Variants in IARS2 observed in about 807,000 individuals in gnomAD.
The protein encoded by IARS2 is isoleucyl-tRNA synthetase 2, mitochondrial, also known as isoleucine--tRNA ligase, mitochondrial.
IARS2 carries 56 observed loss-of-function variants against 126.3 expected under a neutral mutation model. That is an observed-to-expected ratio of 0.44 (90% CI 0.36 to 0.55). IARS2 has a LOEUF of 0.55. Among genes scored for constraint, IARS2 ranks in the 20% least tolerant of loss-of-function variants. The probability of loss-of-function intolerance (pLI) is 0.00; values close to 1 mark genes in which losing one functional copy is unlikely to be tolerated. For missense variants in IARS2, 1,127 were observed against 1,245.9 expected, an observed-to-expected ratio of 0.90 and a Z score of 1.44; for synonymous variants, 407 against 441.1, an observed-to-expected ratio of 0.92 and a Z score of 0.97.
intron 12 of IARS2, among the ~76,000 whole-genome samples, chr1:220,119,144 T>C (rs935133764): frequency 6.6e-6 from 1 of 151,654 alleles, no homozygotes; most frequent in East Asian, 2.0e-4. Flanking sequence ...ACACGCTAAA[T>C]AAGCCTCATT....
intron 2 of IARS2, among the ~76,000 whole-genome samples, chr1:220,098,606 A>C (rs1656501462): frequency 6.6e-6 from 1 of 152,210 alleles, no homozygotes; most frequent in South Asian, 2.1e-4. Flanking sequence ...AATTCTTGAC[A>C]TACAGTAGGC....
rs1656668637 is a variant in IARS2, at chr1:220,105,873, G to A, written c.1067-18G>A. ...GCCATATAAAATGATTCTTAATAGTGGTTTTCTTTCCCCACAGGTGTAGAT... is the reference window on the plus strand; with the variant it reads ...GCCATATAAAATGATTCTTAATAGTAGTTTTCTTTCCCCACAGGTGTAGAT... On this transcript the variant is annotated intron_variant, in intron 8 of 22. Transcript: ENST00000366922. 4 of 1,608,528 alleles carry A rather than the reference G, an allele frequency of 2.5e-6. No individual in the cohort carries two copies. Among genetic ancestry groups the A allele is most frequent in the Non-Finnish European group, 3.4e-6 (4 of 1,175,038 alleles).
chr1:220,132,531 T>C (rs1198500856), intron 14 of IARS2, among the ~76,000 whole-genome samples: 1 of 149,682 alleles, frequency 6.7e-6, no homozygotes. Context: ...CTCTCTTTTT[T>C]TTTTTTTTTT....
chr1:220,098,234 T>C (rs1406472239), intron 2 of IARS2, among the ~76,000 whole-genome samples: 1 of 152,164 alleles, frequency 6.6e-6, no homozygotes, highest in African/African-American at 2.4e-5. Flanking sequence ...AGAGAAACCT[T>C]CTTGAAGCCC....
intron 15 of IARS2, among the ~76,000 whole-genome samples, chr1:220,135,359 C>T (rs75587895): frequency 0.079 from 11,930 of 151,906 alleles, 547 homozygotes; most frequent in South Asian, 0.15. Context: ...CAGAACATTT[C>T]ACATGTTTCT....
At chr1:220,111,954 G>A (rs1451446730) in intron 11 of IARS2, among the ~76,000 whole-genome samples, 1 of 151,678 alleles carries the variant, frequency 6.6e-6, no homozygotes, top group East Asian at 1.9e-4. Flanking sequence ...TAAGTCTGAC[G>A]CAATATATTT....
intron 14 of IARS2, among the ~76,000 whole-genome samples, chr1:220,130,625 T>C (rs1398870421): frequency 6.6e-6 from 1 of 152,206 alleles, no homozygotes; most frequent in Non-Finnish European, 1.5e-5. Flanking sequence ...TGGCACGATC[T>C]TGGCTCACTG....
At chr1:220,095,004 G>T (rs1656408128) in intron 1 of IARS2, among the ~76,000 whole-genome samples, 1 of 151,338 alleles carries the variant, frequency 6.6e-6, no homozygotes, top group African/African-American at 2.4e-5. Flanking sequence ...CAATTATGAT[G>T]AATGAAGGGG....
chr1:220,094,500 G>C lies in IARS2; in HGVS notation c.267+17G>C, dbSNP rs1482585905. On this transcript the variant is annotated intron_variant, in intron 1 of 22. Transcript: ENST00000366922. Reference sequence around the variant, plus strand: ...ATCCAGCAGGTACGGGCCCCGCCTCGGCGCGGGGCCTCCAGAGAGGCCCGA... The same window carrying C: ...ATCCAGCAGGTACGGGCCCCGCCTCCGCGCGGGGCCTCCAGAGAGGCCCGA... The C allele has an allele frequency of 1.9e-6, 3 of 1,569,874 alleles. No homozygotes were observed. The South Asian group carries it at 3.5e-5, about 18-fold the overall frequency.
chr1:220,124,135 G>A (rs1437901686), intron 12 of IARS2, among the ~76,000 whole-genome samples: 1 of 152,126 alleles, frequency 6.6e-6, no homozygotes, highest in Non-Finnish European at 1.5e-5. Flanking sequence ...TATGTACTGT[G>A]ACTAAATGAA....
At chr1:220,130,919 G>A (rs567164402) in intron 14 of IARS2, among the ~76,000 whole-genome samples, 2 of 152,044 alleles carry the variant, frequency 1.3e-5, no homozygotes, top group African/African-American at 2.4e-5. Context: ...TTTATTTCTG[G>A]GTTCTCTATT....
intron 10 of IARS2, among the ~76,000 whole-genome samples, chr1:220,108,418 G>T (rs1334925848): frequency 2.1e-5 from 3 of 146,068 alleles, no homozygotes; most frequent in Non-Finnish European, 4.5e-5. Context: ...ACGGAGTCTC[G>T]CTCTGTTGCC....
At position 220,102,296 on chromosome 1, in the gene IARS2, T is replaced by C. The variant is rs1656594582; in HGVS notation, c.699+19T>C. ...TGATAAGGTAAAGAAGTATTTTTTC[T>C]CTTTGAGTAGGTTTTAGTATGCGTT... On this transcript the variant is annotated intron_variant, in intron 4 of 22. Transcript: ENST00000366922. 3 of 1,603,558 alleles carry C rather than the reference T, an allele frequency of 1.9e-6. No homozygotes were observed. The highest frequency in any genetic ancestry group is 2.7e-5 in the African/African-American group (2 of 74,032).
intron 18 of IARS2, 133 bp downstream of exon 18, chr1:220,139,272 C>G: frequency 1.8e-6 from 1 of 559,420 alleles, no homozygotes; most frequent in Non-Finnish European, 2.9e-6. Flanking sequence ...GAAATATGTC[C>G]AGACTTCCCC....
At chr1:220,117,134 G>GT (rs201533210) in intron 12 of IARS2, among the ~76,000 whole-genome samples, 7,647 of 96,456 alleles carry the variant, frequency 0.079, 314 homozygotes, top group Middle Eastern at 0.15. Flanking sequence ...ACACTGGAAA[G>GT]TTTTTTTTTT....
intron 10 of IARS2, among the ~76,000 whole-genome samples, chr1:220,109,984 A>C (rs776179307): frequency 2.6e-5 from 4 of 152,216 alleles, no homozygotes; most frequent in Non-Finnish European, 5.9e-5. Flanking sequence ...AAGATTTTAC[A>C]GTCCGTGCTT....
At chr1:220,131,788 G>A (rs1028728022) in intron 14 of IARS2, among the ~76,000 whole-genome samples, 3 of 147,056 alleles carry the variant, frequency 2.0e-5, no homozygotes, top group African/African-American at 5.0e-5. Context: ...GCCTGGCCAC[G>A]TTGAATTTTT....
intron 2 of IARS2, 50 bp from the exon 3 acceptor site, chr1:220,100,440 A>C: frequency 3.5e-5 from 47 of 1,346,560 alleles, no homozygotes; most frequent in Non-Finnish European, 4.5e-5. Context: ...TTTGAAATAC[A>C]TGGCCAAATA....
Position 220,103,440 on chromosome 1 carries a change from A to G in IARS2, c.951-7A>G, listed in dbSNP as rs139443640. ...TATTAGTAATTTCTCCTAAAATTTT[A>G]TGTTAGGTATGCTGTTGTGAAATGT... On this transcript the variant is annotated splice_polypyrimidine_tract_variant and splice_region_variant and intron_variant, in intron 7 of 22. Transcript: ENST00000366922. The G allele has an allele frequency of 2.7e-6, 4 of 1,472,914 alleles. No homozygotes were observed. The highest frequency in any genetic ancestry group is 2.8e-5 in the African/African-American group (2 of 71,894). The allele number at this position is 1,472,914 out of a possible 1,614,324, so 91.2% of individuals were successfully genotyped here. A position where few individuals can be genotyped will look rare whatever the true frequency, so the allele number is the denominator to read the frequency against.
Sources: gnomAD v4.1 joint callset for allele counts (sites outside exome capture counted in the v4.1 genomes callset) on GRCh38, gnomAD v4.1.1 for gene constraint, MANE v1.5 for transcripts, NCBI Gene and HGNC (gene_info 2026-07-23, HGNC 2026-07-21) for gene names.